Variants in RPS6KC1 observed in about 807,000 individuals in gnomAD.
RPS6KC1 encodes the protein inactive ribosomal protein S6 kinase delta-1.
In RPS6KC1, 54 loss-of-function variants were observed where a neutral mutation model predicts 103.8. The observed-to-expected ratio is 0.52, with a 90% CI of 0.42 to 0.65. RPS6KC1 has a LOEUF of 0.65. Ranked by LOEUF, RPS6KC1 falls within the 30% of genes least tolerant of loss-of-function variation. The probability of loss-of-function intolerance (pLI) is 0.00; values close to 1 mark genes in which losing one functional copy is unlikely to be tolerated. For missense variants in RPS6KC1, 1,151 were observed against 1,253.8 expected, an observed-to-expected ratio of 0.92 and a Z score of 1.24; for synonymous variants, 439 against 438.7, an observed-to-expected ratio of 1.00 and a Z score of -0.01.
chr1:213,188,133 C>T (rs936145701), intron 8 of RPS6KC1, among the ~76,000 whole-genome samples: 1 of 152,022 alleles, frequency 6.6e-6, no homozygotes, highest in Non-Finnish European at 1.5e-5. Context: ...GGTGATAGTC[C>T]CACCTCCTGT....
chr1:213,492,004 G>T, the RPS6KC1 span, among the ~76,000 whole-genome samples: 1 of 152,152 alleles, frequency 6.6e-6, no homozygotes, highest in Non-Finnish European at 1.5e-5. Flanking sequence ...TGTATATAAG[G>T]TGGTTCTTCT....
the RPS6KC1 span, among the ~76,000 whole-genome samples, chr1:213,330,064 C>T: frequency 6.6e-6 from 1 of 152,240 alleles, no homozygotes; most frequent in Non-Finnish European, 1.5e-5. Context: ...GATGGAAGCC[C>T]ATTCACACTG....
chr1:213,096,120 A>C (rs567979039), intron 3 of RPS6KC1, among the ~76,000 whole-genome samples: 1 of 152,358 alleles, frequency 6.6e-6, no homozygotes, highest in Non-Finnish European at 1.5e-5. Flanking sequence ...TGTATGTGAC[A>C]TTCAGAATCC....
At chr1:213,220,939 A>G (rs1337243075) in intron 8 of RPS6KC1, among the ~76,000 whole-genome samples, 1 of 152,140 alleles carries the variant, frequency 6.6e-6, no homozygotes, top group African/African-American at 2.4e-5. Context: ...CAGGTTTTTA[A>G]AGTGGTATTT....
At chr1:213,643,592 GT>G in the RPS6KC1 span, among the ~76,000 whole-genome samples, 3 of 151,598 alleles carry the variant, frequency 2.0e-5, no homozygotes, top group East Asian at 5.8e-4. Flanking sequence ...AGTAATGACT[GT>G]TTTTATTTCT....
the RPS6KC1 span, among the ~76,000 whole-genome samples, chr1:213,762,978 C>T: frequency 6.6e-6 from 1 of 151,816 alleles, no homozygotes; most frequent in East Asian, 1.9e-4. Context: ...TCTGCCTTAG[C>T]CTCCCAAGTA....
the RPS6KC1 span, among the ~76,000 whole-genome samples, chr1:213,314,020 G>A: frequency 2.0e-5 from 3 of 152,026 alleles, no homozygotes; most frequent in Non-Finnish European, 4.4e-5. Context: ...GTTCACAATC[G>A]AGGTGTTGGC....
the RPS6KC1 span, among the ~76,000 whole-genome samples, chr1:213,725,853 T>G: frequency 1.3e-5 from 2 of 152,260 alleles, no homozygotes; most frequent in Non-Finnish European, 2.9e-5. Flanking sequence ...CTTTACATAT[T>G]CTGAACACTA....
intron 8 of RPS6KC1, among the ~76,000 whole-genome samples, chr1:213,209,636 A>G (rs1406609469): frequency 7.0e-6 from 1 of 142,998 alleles, no homozygotes; most frequent in African/African-American, 2.5e-5. Context: ...TGGAGGTTGC[A>G]ATGAGCCGAG....
the RPS6KC1 span, among the ~76,000 whole-genome samples, chr1:213,327,257 A>G: frequency 6.6e-6 from 1 of 151,834 alleles, no homozygotes; most frequent in African/African-American, 2.4e-5. Flanking sequence ...AGAAAGAAAG[A>G]AAGAAAGAAG....
At chr1:213,156,221 G>C (rs2133174) in intron 6 of RPS6KC1, among the ~76,000 whole-genome samples, 1 of 152,182 alleles carries the variant, frequency 6.6e-6, no homozygotes. Context: ...AGAAATGAAT[G>C]CAAAGGTTGT....
chr1:213,209,695 CAAAAAAAAAAAA>C (rs60840755), intron 8 of RPS6KC1, among the ~76,000 whole-genome samples: 8 of 54,152 alleles, frequency 1.5e-4, no homozygotes, highest in Admixed American at 6.5e-4. Flanking sequence ...AACTCCGTCT[CAAAAAAAAAAAA>C]AAAAAAAAAA....
chr1:213,708,785 C>T, the RPS6KC1 span, among the ~76,000 whole-genome samples: 1 of 152,080 alleles, frequency 6.6e-6, no homozygotes, highest in African/African-American at 2.4e-5. Context: ...TATCACAGGC[C>T]TTTTCTGCAT....
the RPS6KC1 span, among the ~76,000 whole-genome samples, chr1:213,342,795 T>C: frequency 6.6e-6 from 1 of 152,076 alleles, no homozygotes; most frequent in Non-Finnish European, 1.5e-5. Context: ...AGAGAAGAAC[T>C]AAAAGATAGA....
intron 12 of RPS6KC1, among the ~76,000 whole-genome samples, chr1:213,255,363 T>C (rs1392603003): frequency 6.6e-6 from 1 of 152,002 alleles, no homozygotes; most frequent in Non-Finnish European, 1.5e-5. Context: ...GTTTTTCTAC[T>C]TGTTTCTAGA....
At chr1:213,313,434 A>G in the RPS6KC1 span, among the ~76,000 whole-genome samples, 1 of 151,826 alleles carries the variant, frequency 6.6e-6, no homozygotes, top group African/African-American at 2.4e-5. Flanking sequence ...ATATCTGAGC[A>G]CCCCAGGGAC....
the RPS6KC1 span, among the ~76,000 whole-genome samples, chr1:213,381,287 A>C: frequency 1.3e-5 from 2 of 152,184 alleles, no homozygotes; most frequent in African/African-American, 4.8e-5. Context: ...CCTGGAGCAC[A>C]GTATTTTTCT....
In RPS6KC1 at chr1:213,121,046, G is replaced by A. The variant is rs545345251; in HGVS notation, c.472+3636G>A. ...GGGCTCAAGTGATTCTCCTTCCTCA[G>A]CCTCCTGAGTAGCTGGGACTACAGG... On this transcript the variant is annotated intron_variant, in intron 5 of 14. Transcript: ENST00000366960. Among the ~76,000 whole-genome samples, 4 of 152,256 alleles carry A rather than the reference G, an allele frequency of 2.6e-5. No individual in the cohort carries two copies. The South Asian group carries it at 8.3e-4, about 32-fold the overall frequency.
the RPS6KC1 span, among the ~76,000 whole-genome samples, chr1:213,585,965 AAT>A: frequency 6.6e-6 from 1 of 152,198 alleles, no homozygotes; most frequent in African/African-American, 2.4e-5. Context: ...CCACCATCAG[AAT>A]ATGACTCCAC....
Sources: gnomAD v4.1 joint callset for allele counts (sites outside exome capture counted in the v4.1 genomes callset) on GRCh38, gnomAD v4.1.1 for gene constraint, MANE v1.5 for transcripts, NCBI Gene and HGNC (gene_info 2026-07-23, HGNC 2026-07-21) for gene names.